Variants in PCTP observed in about 807,000 individuals in gnomAD.
The protein encoded by PCTP is START domain-containing protein 2.
Under a neutral mutation model 31.0 loss-of-function variants are expected in PCTP, and 27 were observed. That is an observed-to-expected ratio of 0.87 (90% CI 0.64 to 1.20). The LOEUF is 1.20. Ranked by LOEUF, PCTP falls within the 50% of genes most tolerant of loss-of-function variation. PCTP has a pLI of 0.00. For synonymous variants in PCTP, 108 were observed against 101.2 expected (o/e 1.07, Z -0.40); for missense variants, 287 against 268.2 (o/e 1.07, Z -0.49).
At chr17:55,778,210 CAAAAA>C (rs57503627), downstream of PCTP, among the ~76,000 whole-genome samples, 6 of 111,556 alleles carry the variant, frequency 5.4e-5, no homozygotes, top group South Asian at 3.2e-4. Flanking sequence ...GTGCCAAAGT[CAAAAA>C]AAAAAAAAAA....
chr17:55,793,686 T>A (rs1912084095), intron 3 of PCTP, among the ~76,000 whole-genome samples: 1 of 152,152 alleles, frequency 6.6e-6, no homozygotes, highest in African/African-American at 2.4e-5. Flanking sequence ...TTGTCTCTAT[T>A]GAATAAATTA....
chr17:55,841,256 C>G (rs1339192373), intron 5 of PCTP, among the ~76,000 whole-genome samples: 2 of 152,162 alleles, frequency 1.3e-5, no homozygotes, highest in Non-Finnish European at 2.9e-5. Context: ...GGCATTGGTA[C>G]TAGACGGGTT....
intron 5 of PCTP, among the ~76,000 whole-genome samples, chr17:55,837,759 A>C (rs150228665): frequency 8.6e-6 from 1 of 116,432 alleles, no homozygotes; most frequent in Non-Finnish European, 1.9e-5. Context: ...TCTCTTGCCC[A>C]GGGGTCGACT....
At chr17:55,833,208 A>G (rs953741667) in intron 5 of PCTP, among the ~76,000 whole-genome samples, 14 of 152,180 alleles carry the variant, frequency 9.2e-5, no homozygotes, top group African/African-American at 2.7e-4. Context: ...TAATTCAATT[A>G]TTTTATTTGA....
At chr17:55,819,880 T>C (rs1302532872) in intron 3 of PCTP, among the ~76,000 whole-genome samples, 4 of 152,194 alleles carry the variant, frequency 2.6e-5, no homozygotes, top group Non-Finnish European at 4.4e-5. Flanking sequence ...TTACAATAAA[T>C]TGATTTTCCA....
downstream of PCTP, among the ~76,000 whole-genome samples, chr17:55,781,120 T>C (rs999828067): frequency 3.3e-5 from 5 of 152,176 alleles, no homozygotes; most frequent in African/African-American, 1.2e-4. Flanking sequence ...ATCCTCCTCA[T>C]CTATAGACTT....
At chr17:55,763,681 A>C (rs554030922) in intron 1 of PCTP, among the ~76,000 whole-genome samples, 1 of 152,332 alleles carries the variant, frequency 6.6e-6, no homozygotes, top group South Asian at 2.1e-4. Flanking sequence ...AAATATGTCA[A>C]ATATTATCAG....
intron 1 of PCTP, among the ~76,000 whole-genome samples, chr17:55,755,973 A>T (rs9905070): frequency 6.6e-6 from 1 of 152,202 alleles, no homozygotes; most frequent in African/African-American, 2.4e-5. Context: ...ACTTGCTTCC[A>T]TACAAGAACT....
intron 3 of PCTP, among the ~76,000 whole-genome samples, chr17:55,799,091 A>G (rs981850909): frequency 1.3e-5 from 2 of 151,986 alleles, no homozygotes; most frequent in African/African-American, 4.8e-5. Context: ...GCAATAATAA[A>G]GAATGCTGGA....
At chr17:55,764,863 G>A (rs188635649) in intron 1 of PCTP, among the ~76,000 whole-genome samples, 134 of 152,294 alleles carry the variant, frequency 8.8e-4, no homozygotes, top group African/African-American at 3.0e-3. Flanking sequence ...TCGTTCATTT[G>A]TTTCTTTGCC....
rs776048583 is a variant in PCTP, at chr17:55,771,145, A to G, written c.299A>G (p.Tyr100Cys). The G allele has an allele frequency of 1.2e-6, 2 of 1,613,612 alleles. No individual in the cohort carries two copies. The highest frequency in any genetic ancestry group is 1.1e-5 in the South Asian group (1 of 91,068). Residue 100 changes from tyrosine to cysteine, a missense_variant, in exon 3 of 6, where the codon TAC (tyrosine) becomes TGC (cysteine). Transcript: ENST00000268896. ...GAATGCAACGGAGAGACTGTGGTCT[A>G]CTGGGAAGTGAAGTACCCTTTTCCC... ...EQECNGETVV[Y>C]WEVKYPFPMS...
In PCTP at chr17:55,777,301, A is replaced by G. The variant is rs1314874082; in HGVS notation, c.*1201A>G. 1.0e-6 allele frequency: 1 copy of G among 984,414 alleles called. No individual in the cohort carries two copies. The highest frequency in any genetic ancestry group is 1.7e-5 in the African/African-American group (1 of 57,206). The allele number at this position is 984,414 out of a possible 1,614,324, so 61.0% of individuals were successfully genotyped here. A position where few individuals can be genotyped will look rare whatever the true frequency, so the allele number is the denominator to read the frequency against. On this transcript the variant is annotated 3_prime_UTR_variant, in exon 6 of 6. Transcript: ENST00000268896. Reference sequence around the variant, plus strand: ...ACAGAATGGGATTTATTAATGTGGGATACCTCAGACTGTTTGTTTTCTTTC... The same window carrying G: ...ACAGAATGGGATTTATTAATGTGGGGTACCTCAGACTGTTTGTTTTCTTTC...
At chr17:55,781,788 A>G (rs1911573314), downstream of PCTP, among the ~76,000 whole-genome samples, 1 of 152,232 alleles carries the variant, frequency 6.6e-6, no homozygotes, top group Admixed American at 6.5e-5. Flanking sequence ...GTTACTCCAT[A>G]TAGCCTATTT....
intron 2 of PCTP, chr17:55,769,916 G>A (rs1210593461): frequency 3.3e-5 from 5 of 152,218 alleles, no homozygotes; most frequent in Non-Finnish European, 7.3e-5. Flanking sequence ...AGCAACAGAT[G>A]TCCACCTCTC....
At chr17:55,831,067 G>A (rs1905578177) in intron 5 of PCTP, among the ~76,000 whole-genome samples, 1 of 152,168 alleles carries the variant, frequency 6.6e-6, no homozygotes, top group Admixed American at 6.5e-5. Flanking sequence ...CCAAATAGGA[G>A]AAGAGCCCAT....
chr17:55,775,428 G>A, intron 5 of PCTP: 2 of 1,231,918 alleles, frequency 1.6e-6, no homozygotes, highest in South Asian at 4.1e-5. Flanking sequence ...AGATTCCTTG[G>A]AAGAGTGAAA....
chr17:55,839,027 C>G (rs544421893), intron 5 of PCTP, among the ~76,000 whole-genome samples: 2 of 152,260 alleles, frequency 1.3e-5, no homozygotes, highest in African/African-American at 4.8e-5. Context: ...AAAAACCAAA[C>G]AAAACAAAAC....
chr17:55,839,582 G>A (rs1358266976), intron 5 of PCTP, among the ~76,000 whole-genome samples: 2 of 152,258 alleles, frequency 1.3e-5, no homozygotes, highest in African/African-American at 2.4e-5. Flanking sequence ...GGAGCTAACT[G>A]GGGTGCAGGA....
intron 2 of PCTP, among the ~76,000 whole-genome samples, chr17:55,783,157 T>A (rs766108239): frequency 3.3e-5 from 5 of 152,242 alleles, no homozygotes; most frequent in Non-Finnish European, 5.9e-5. Context: ...TTCTTTTTTT[T>A]AAAGCTAGAA....
Sources: gnomAD v4.1 joint callset for allele counts (sites outside exome capture counted in the v4.1 genomes callset) on GRCh38, gnomAD v4.1.1 for gene constraint, MANE v1.5 for transcripts, NCBI Gene and HGNC (gene_info 2026-07-23, HGNC 2026-07-21) for gene names.